NDUFA10: variants seen among roughly 807,000 people sequenced by gnomAD.
The protein encoded by NDUFA10 is NADH:ubiquinone oxidoreductase subunit A10, also known as NADH dehydrogenase [ubiquinone] 1 alpha subcomplex subunit 10, mitochondrial.
In NDUFA10, 40 loss-of-function variants were observed where a neutral mutation model predicts 47.8. That is an observed-to-expected ratio of 0.84 (90% CI 0.65 to 1.09). The LOEUF (loss-of-function observed/expected upper bound fraction) is 1.09, where lower values mean the gene tolerates loss of function less well. Among genes scored for constraint, NDUFA10 ranks in the 50% least tolerant of loss-of-function variants. NDUFA10 has a pLI of 0.00. For synonymous variants in NDUFA10, 183 were observed against 172.2 expected (o/e 1.06, Z -0.49); for missense variants, 413 against 451.1 (o/e 0.92, Z 0.76).
At chr2:239,926,643 C>T (rs189633582) in intron 4 of NDUFA10, among the ~76,000 whole-genome samples, 2 of 152,198 alleles carry the variant, frequency 1.3e-5, no homozygotes, top group East Asian at 3.9e-4. Flanking sequence ...TGTAAAACAG[C>T]CTCAGATAAG....
At chr2:239,915,746 TACAC>T (rs976065639) in intron 4 of NDUFA10, among the ~76,000 whole-genome samples, 3 of 135,404 alleles carry the variant, frequency 2.2e-5, no homozygotes, top group Admixed American at 7.3e-5. Context: ...GAGATACACA[TACAC>T]ACACAGAACA....
At chr2:239,895,108 C>T in intron 5 of NDUFA10, 1 of 269,140 alleles carries the variant, frequency 3.7e-6, no homozygotes, top group South Asian at 3.2e-5. Context: ...TTGCCTTCAC[C>T]CTCTCTTCCT....
chr2:240,022,614 A>G (rs148750852), intron 1 of NDUFA10, among the ~76,000 whole-genome samples: 4 of 138,332 alleles, frequency 2.9e-5, no homozygotes, highest in African/African-American at 7.8e-5. Flanking sequence ...TATGTTTACT[A>G]TGTTCAATAA....
chr2:239,922,349 C>T (rs971407757), intron 4 of NDUFA10, among the ~76,000 whole-genome samples: 3 of 152,298 alleles, frequency 2.0e-5, no homozygotes, highest in South Asian at 2.1e-4. Flanking sequence ...TCAATGCCAC[C>T]ACCCAGTCTC....
chr2:239,943,652 G>C (rs996537449), intron 4 of NDUFA10, among the ~76,000 whole-genome samples: 1 of 152,166 alleles, frequency 6.6e-6, no homozygotes, highest in African/African-American at 2.4e-5. Flanking sequence ...ATGTCCATGA[G>C]CAGGGACAAA....
intron 9 of NDUFA10, among the ~76,000 whole-genome samples, chr2:239,979,920 C>T (rs994633530): frequency 2.0e-5 from 3 of 152,120 alleles, no homozygotes; most frequent in Non-Finnish European, 4.4e-5. Flanking sequence ...ACGGGCTCTT[C>T]TCTAGCTCCA....
chr2:239,899,447 T>TGTGATGGAGAGG (rs1693497704), intron 4 of NDUFA10, among the ~76,000 whole-genome samples: 2 of 37,782 alleles, frequency 5.3e-5, no homozygotes, highest in African/African-American at 2.1e-4. Context: ...ATGTGGAGGG[T>TGTGATGGAGAGG]TGTGATGGAG....
At chr2:240,018,778 G>C (rs912415554) in intron 3 of NDUFA10, 139 bp from the exon 4 acceptor site, 9 of 1,010,140 alleles carry the variant, frequency 8.9e-6, no homozygotes, top group Admixed American at 2.1e-5. Flanking sequence ...AAAGAACATA[G>C]ACATATTTGT....
chr2:240,005,140 A>T (rs1204466771), intron 8 of NDUFA10, 70 bp downstream of exon 8: 1 of 1,352,090 alleles, frequency 7.4e-7, no homozygotes, highest in African/African-American at 1.4e-5. Context: ...ATTATTTCAA[A>T]CTTCCCTAAG....
At chr2:239,926,279 G>A (rs926890297) in intron 4 of NDUFA10, among the ~76,000 whole-genome samples, 2 of 152,144 alleles carry the variant, frequency 1.3e-5, no homozygotes, top group African/African-American at 2.4e-5. Flanking sequence ...AACAAACTGT[G>A]GTACACTGGT....
chr2:239,938,712 T>C lies in NDUFA10; in HGVS notation c.295-43398A>G, dbSNP rs1205096048. Among the ~76,000 whole-genome samples the C allele has an allele frequency of 2.0e-5, 3 of 152,022 alleles. No homozygotes were observed. The East Asian group carries it at 5.8e-4, about 29-fold the overall frequency. On this transcript the variant is annotated intron_variant, in intron 4 of 5. Coordinates refer to the NDUFA10 transcript ENST00000419408. ...TGCGCAGATGCCGGCAGAGGGGACCTGTGGATCAGTTAAACGGGGGCGGCT... is the reference window on the plus strand; with the variant it reads ...TGCGCAGATGCCGGCAGAGGGGACCCGTGGATCAGTTAAACGGGGGCGGCT...
chr2:239,991,627 T>A (rs7599357), intron 8 of NDUFA10, among the ~76,000 whole-genome samples: 177 of 152,348 alleles, frequency 1.2e-3, no homozygotes, highest in African/African-American at 4.1e-3. Flanking sequence ...CTAGCTTTCC[T>A]TATGCATTCT....
chr2:240,006,334 A>G (rs1312666756), intron 7 of NDUFA10, among the ~76,000 whole-genome samples: 3 of 152,206 alleles, frequency 2.0e-5, no homozygotes, highest in Admixed American at 6.5e-5. Flanking sequence ...GAACTTTACA[A>G]CTGGTAGTAG....
In NDUFA10 at chr2:239,895,591, G is replaced by A. The variant is rs201756219; in HGVS notation, c.295-277C>T. ...TTACCATTGTTATTTGCTACTTAAG[G>A]TCATCCTAAGTAAAGAAAATTTCAA... On this transcript the variant is annotated intron_variant, in intron 4 of 5. Coordinates refer to the NDUFA10 transcript ENST00000419408. Among the ~76,000 whole-genome samples the A allele has an allele frequency of 1.1e-4, 17 of 152,126 alleles. No homozygotes were observed. The East Asian group carries it at 3.1e-3, about 28-fold the overall frequency.
chr2:239,984,946 G>T (rs1695936730), intron 9 of NDUFA10, among the ~76,000 whole-genome samples: 1 of 152,212 alleles, frequency 6.6e-6, no homozygotes, highest in African/African-American at 2.4e-5. Context: ...GTAAGCGCAA[G>T]CTAGAAACAC....
chr2:239,899,375 G>A (rs558870681), intron 4 of NDUFA10, among the ~76,000 whole-genome samples: 5 of 106,838 alleles, frequency 4.7e-5, no homozygotes, highest in Non-Finnish European at 2.1e-5. Context: ...TGATGGAGGG[G>A]TGTGGAGGGG....
intron 4 of NDUFA10, among the ~76,000 whole-genome samples, chr2:240,017,020 G>A (rs917215984): frequency 6.6e-6 from 1 of 152,040 alleles, no homozygotes; most frequent in African/African-American, 2.4e-5. Flanking sequence ...TGTCCCTCCT[G>A]AGCGGCAACT....
chr2:239,900,281 C>T lies in NDUFA10; in HGVS notation c.295-4967G>A, dbSNP rs577007679. Among the ~76,000 whole-genome samples the T allele has an allele frequency of 7.7e-4, 89 of 115,698 alleles. 1 individual carries two copies. Among genetic ancestry groups the T allele is most frequent in the South Asian group, 1.8e-3 (6 of 3,316 alleles). 75.9% of individuals were successfully genotyped at this position (115,698 alleles called of 152,430 possible). On this transcript the variant is annotated intron_variant, in intron 4 of 5. Transcript: ENST00000419408. ...CTATTGTGGGACTTCACCTTGTGAT[C>T]GTGTGAGTCAATACTCCTTAATGAA...
chr2:239,914,214 A>T (rs1693801016), intron 4 of NDUFA10, among the ~76,000 whole-genome samples: 1 of 151,576 alleles, frequency 6.6e-6, no homozygotes, highest in Admixed American at 6.6e-5. Flanking sequence ...ATAGACACAC[A>T]CAGAGACAGA....
Sources: allele counts gnomAD v4.1 joint callset (sites outside exome capture counted in the v4.1 genomes callset), GRCh38; gene constraint gnomAD v4.1.1; transcripts MANE v1.5; gene names NCBI Gene and HGNC (gene_info 2026-07-23, HGNC 2026-07-21).